The following SLC35F4 variants were observed in gnomAD, a reference collection of about 807,000 sequenced individuals.
SLC35F4 encodes the protein solute carrier family 35 member F4, also known as chromosome 14 open reading frame 36.
A neutral mutation model predicts 44.2 loss-of-function variants in SLC35F4; 24 were observed. The ratio of observed to expected loss-of-function variants is 0.54; its 90% CI spans 0.39 to 0.76. The LOEUF (loss-of-function observed/expected upper bound fraction) is 0.76. SLC35F4 is among the 30% of genes least tolerant of loss of function. The pLI is 0.00. For synonymous variants in SLC35F4, 238 were observed against 223.6 expected (o/e 1.06, Z -0.57); for missense variants, 562 against 586.1 (o/e 0.96, Z 0.42).
intron 4 of SLC35F4, among the ~76,000 whole-genome samples, chr14:57,573,185 G>C (rs2068601787): frequency 6.6e-6 from 1 of 152,090 alleles, no homozygotes; most frequent in Non-Finnish European, 1.5e-5. Context: ...CTCGCTTGAG[G>C]CCACTGCAAA....
chr14:57,838,197 A>G (rs1260700564), intron 1 of SLC35F4, among the ~76,000 whole-genome samples: 1 of 152,228 alleles, frequency 6.6e-6, no homozygotes, highest in Non-Finnish European at 1.5e-5. Flanking sequence ...TGGAAAAAGA[A>G]CCCACTCTTC....
At chr14:57,881,064 C>A (rs1174173104) in intron 1 of SLC35F4, among the ~76,000 whole-genome samples, 2 of 152,066 alleles carry the variant, frequency 1.3e-5, no homozygotes, top group Non-Finnish European at 2.9e-5. Flanking sequence ...CTCATGATAT[C>A]CCTGACACTG....
chr14:57,876,469 A>G (rs1013957463), intron 1 of SLC35F4, among the ~76,000 whole-genome samples: 5 of 152,216 alleles, frequency 3.3e-5, no homozygotes, highest in Admixed American at 6.6e-5. Flanking sequence ...TGTGACTCAG[A>G]AAAAGACTAG....
At chr14:57,778,810 T>C (rs1466322579) in intron 1 of SLC35F4, among the ~76,000 whole-genome samples, 1 of 151,542 alleles carries the variant, frequency 6.6e-6, no homozygotes, top group South Asian at 2.1e-4. Flanking sequence ...AAATCAAAAC[T>C]AAGAAAATCA....
chr14:57,940,801 T>G (rs768291305), intron 1 of SLC35F4, among the ~76,000 whole-genome samples: 11 of 151,958 alleles, frequency 7.2e-5, no homozygotes, highest in Middle Eastern at 3.2e-3. Context: ...CTCCTTCTTC[T>G]CCCCCTATCA....
intron 1 of SLC35F4, among the ~76,000 whole-genome samples, chr14:57,942,033 T>C (rs1889924593): frequency 6.6e-6 from 1 of 152,200 alleles, no homozygotes; most frequent in African/African-American, 2.4e-5. Context: ...CTTTGAGATT[T>C]AGTAAGGTGT....
At chr14:57,683,878 G>A (rs1451484641) in intron 1 of SLC35F4, among the ~76,000 whole-genome samples, 1 of 152,042 alleles carries the variant, frequency 6.6e-6, no homozygotes. Flanking sequence ...GTTGGGGTGG[G>A]AGCTGAACAG....
At chr14:57,688,839 T>C (rs998771885) in intron 1 of SLC35F4, among the ~76,000 whole-genome samples, 3 of 152,190 alleles carry the variant, frequency 2.0e-5, no homozygotes, top group Non-Finnish European at 4.4e-5. Flanking sequence ...AAAGGGCTCC[T>C]CATTATTTAC....
At chr14:57,924,094 G>C (rs981428033) in intron 1 of SLC35F4, among the ~76,000 whole-genome samples, 1 of 152,194 alleles carries the variant, frequency 6.6e-6, no homozygotes, top group Non-Finnish European at 1.5e-5. Flanking sequence ...GATGTGACTT[G>C]CTCCTCCTTG....
intron 1 of SLC35F4, among the ~76,000 whole-genome samples, chr14:57,684,315 G>A (rs768432509): frequency 3.3e-5 from 5 of 152,090 alleles, no homozygotes; most frequent in East Asian, 1.9e-4. Flanking sequence ...GGCCTCTGGC[G>A]CAGCAGTCCC....
At chr14:57,598,574 A>C (rs1003429223) in intron 1 of SLC35F4, among the ~76,000 whole-genome samples, 1 of 152,264 alleles carries the variant, frequency 6.6e-6, no homozygotes, top group Non-Finnish European at 1.5e-5. Context: ...TTTGGAAAGC[A>C]CTGGGGGTAA....
At chr14:57,794,593 T>G (rs984726422) in intron 1 of SLC35F4, among the ~76,000 whole-genome samples, 13 of 152,090 alleles carry the variant, frequency 8.5e-5, no homozygotes, top group African/African-American at 3.1e-4. Flanking sequence ...CTTTTTCTAC[T>G]TTCTCTTTTA....
intron 4 of SLC35F4, among the ~76,000 whole-genome samples, chr14:57,578,336 T>TTTTTTTG (rs2068967236): frequency 1.1e-5 from 1 of 87,238 alleles, no homozygotes; most frequent in Non-Finnish European, 2.2e-5. Flanking sequence ...TTTTTTTTTT[T>TTTTTTTG]TTTTTTTTTT....
chr14:57,652,923 T>A (rs1362525295), intron 1 of SLC35F4, among the ~76,000 whole-genome samples: 1 of 152,222 alleles, frequency 6.6e-6, no homozygotes, highest in Non-Finnish European at 1.5e-5. Flanking sequence ...ACAGTTTCAC[T>A]AAGCAGTAAT....
At position 57,771,135 on chromosome 14, in the gene SLC35F4, T is replaced by C. The variant is rs142926775; in HGVS notation, c.103+94588A>G. On this transcript the variant is annotated intron_variant, in intron 1 of 7. Transcript: ENST00000556826. ...AGAGTATAATTTCACCTCATATTCT[T>C]CTAAGGACTCTTCTACACCTCTAGT... is the stretch of plus-strand genomic sequence containing the variant. Among the ~76,000 whole-genome samples the C allele has an allele frequency of 6.4e-3, 972 of 152,290 alleles. 6 individuals are homozygous for C. Among genetic ancestry groups the C allele is most frequent in the African/African-American group, 0.022 (907 of 41,568 alleles).
At chr14:57,979,550 T>C (rs968209108) in intron 1 of SLC35F4, among the ~76,000 whole-genome samples, 2 of 152,192 alleles carry the variant, frequency 1.3e-5, no homozygotes, top group Non-Finnish European at 2.9e-5. Context: ...CTGAAGCTAC[T>C]AGACCATGCA....
intron 1 of SLC35F4, among the ~76,000 whole-genome samples, chr14:57,762,784 C>T (rs1205923195): frequency 2.0e-5 from 3 of 152,108 alleles, no homozygotes; most frequent in Admixed American, 2.0e-4. Flanking sequence ...TATTATGATG[C>T]AGCGAGAAAG....
upstream of SLC35F4, among the ~76,000 whole-genome samples, chr14:57,868,006 C>T (rs919780146): frequency 2.0e-5 from 3 of 151,998 alleles, no homozygotes; most frequent in Admixed American, 6.5e-5. Context: ...TAACAATTAC[C>T]GTGTAAGTCA....
At position 57,887,896 on chromosome 14, in the gene SLC35F4, C is replaced by T. The variant is rs115084873; in HGVS notation, n.282+94017G>A. Among the ~76,000 whole-genome samples, 1,042 of 152,242 alleles carry T rather than the reference C, an allele frequency of 6.8e-3. 12 individuals carry two copies. Among genetic ancestry groups the T allele is most frequent in the African/African-American group, 0.024 (995 of 41,538 alleles). ...ACACACACACACATGCACATGCACACGCACATGCACACCATTCTGCTCAAG... is the reference window on the plus strand; with the variant it reads ...ACACACACACACATGCACATGCACATGCACATGCACACCATTCTGCTCAAG... On this transcript the variant is annotated intron_variant and non_coding_transcript_variant, in intron 1 of 1. Transcript: ENST00000556568.
Sources: allele counts gnomAD v4.1 joint callset (sites outside exome capture counted in the v4.1 genomes callset), GRCh38; gene constraint gnomAD v4.1.1; transcripts MANE v1.5; gene names NCBI Gene and HGNC (gene_info 2026-07-23, HGNC 2026-07-21).